Variants in OTOGL observed in about 807,000 individuals in gnomAD.
OTOGL encodes otogelin like.
OTOGL carries 285 observed loss-of-function variants against 318.5 expected under a neutral mutation model. The observed-to-expected ratio is 0.89, with a 90% CI of 0.81 to 0.99. The LOEUF (loss-of-function observed/expected upper bound fraction) is 0.99, where lower values mean the gene tolerates loss of function less well. OTOGL is among the 50% of genes least tolerant of loss of function. The probability of loss-of-function intolerance (pLI) is 0.00; values close to 1 mark genes in which losing one functional copy is unlikely to be tolerated. For synonymous variants in OTOGL, 987 were observed against 936.5 expected (o/e 1.05, Z -0.99); for missense variants, 2,899 against 2,845.6 (o/e 1.02, Z -0.43).
At chr12:80,343,064 C>T (rs989793916) in intron 44 of OTOGL, among the ~76,000 whole-genome samples, 5 of 151,994 alleles carry the variant, frequency 3.3e-5, no homozygotes, top group East Asian at 1.9e-4. Context: ...TTAGTACAGG[C>T]GGGATTTCAC....
At chr12:80,280,441 A>T (rs1403586149) in intron 26 of OTOGL, among the ~76,000 whole-genome samples, 1 of 140,658 alleles carries the variant, frequency 7.1e-6, no homozygotes, top group Non-Finnish European at 1.6e-5. Flanking sequence ...CTTACTTTTA[A>T]GTCTTTAATC....
rs774144112 is a variant in OTOGL, at chr12:80,255,172, C to T, written c.1574C>T (p.Ala525Val). The change falls in exon 16 of 59, where the codon GCT (alanine) becomes GTT (valine). Residue 525 changes from alanine (A) to valine (V), a missense_variant. Transcript: ENST00000547103. The part of the protein sequence containing the change: ...KDKFTITLQK[A>V]PCEQNLGLVC... ...AAATTCACGATTACTTTACAGAAAG[C>T]TCCCTGTGAGCAGGTAAGAACATTT... The T allele has an allele frequency of 1.8e-5, 27 of 1,512,304 alleles. No individual in the cohort carries two copies. Among genetic ancestry groups the T allele is most frequent in the Admixed American group, 2.5e-5 (1 of 40,150 alleles). The allele number at this position is 1,512,304 out of a possible 1,614,324, so 93.7% of individuals were successfully genotyped here. A position where few individuals can be genotyped will look rare whatever the true frequency, so the allele number is the denominator to read the frequency against.
In OTOGL at chr12:80,356,456, T is replaced by C. The variant is rs1199576911; in HGVS notation, c.5847T>C (p.Cys1949=). The change falls in exon 48 of 59, where the codon TGT becomes TGC. Residue 1949 remains cysteine, a synonymous_variant. Transcript: ENST00000547103. ...TTLCETSIPT[C]TNSQKLIVGH... ...TGTGTGAAACTAGCATTCCAACATG[T>C]ACAAATAGTCAAAAATTGATTGTTG... is the stretch of plus-strand genomic sequence containing the variant. 2 of 1,612,406 alleles carry C rather than the reference T, an allele frequency of 1.2e-6. No individual in the cohort carries two copies. The highest frequency in any genetic ancestry group is 8.5e-7 in the Non-Finnish European group (1 of 1,179,192).
intron 1 of OTOGL, among the ~76,000 whole-genome samples, chr12:80,186,785 A>G (rs1296676726): frequency 6.6e-6 from 1 of 151,992 alleles, no homozygotes; most frequent in African/African-American, 2.4e-5. Flanking sequence ...TCAGTTAAAA[A>G]CTGTTTGAAG....
chr12:80,329,709 AACTTAAGGCATTATTCCTC>A (rs1887950801), intron 37 of OTOGL, among the ~76,000 whole-genome samples: 1 of 152,292 alleles, frequency 6.6e-6, no homozygotes, highest in South Asian at 2.1e-4. Flanking sequence ...AGGCTCAACA[AACTTAAGGCATTATTCCTC>A]AAGGTAGTAT....
At chr12:80,360,475 C>T (rs1228542620) in intron 52 of OTOGL, among the ~76,000 whole-genome samples, 1 of 139,070 alleles carries the variant, frequency 7.2e-6, no homozygotes, top group Non-Finnish European at 1.6e-5. Context: ...TCTCCTCTCT[C>T]TCCCTCTCTC....
rs1248351892 is a variant in OTOGL, at chr12:80,146,280, T to A, written c.-20+46675T>A. On this transcript the variant is annotated intron_variant, in intron 1 of 58. Coordinates refer to ENST00000547103, the MANE Select transcript of OTOGL (RefSeq NM_001378609.3). ...TTTTTAGCATGAAGGGTTGTTGAAT[T>A]TTGTCAAAGGCTTTTTCTGCATCTA... 4.1e-5 allele frequency among the ~76,000 whole-genome samples: 6 copies of A among 146,826 alleles called. 1 individual carries two copies. Among genetic ancestry groups the A allele is most frequent in the African/African-American group, 8.2e-5 (3 of 36,510 alleles).
At chr12:80,322,139 A>G (rs181597075) in intron 34 of OTOGL, among the ~76,000 whole-genome samples, 1 of 152,284 alleles carries the variant, frequency 6.6e-6, no homozygotes, top group East Asian at 1.9e-4. Context: ...TGAGATCTGC[A>G]AGTGGGAGAG....
chr12:80,365,494 T>C (rs1359102863), intron 52 of OTOGL, among the ~76,000 whole-genome samples: 1 of 152,146 alleles, frequency 6.6e-6, no homozygotes, highest in African/African-American at 2.4e-5. Flanking sequence ...GTTAACATTA[T>C]GGCTTTAACT....
At chr12:80,343,945 T>C (rs1364474105) in intron 44 of OTOGL, among the ~76,000 whole-genome samples, 1 of 152,110 alleles carries the variant, frequency 6.6e-6, no homozygotes, top group Non-Finnish European at 1.5e-5. Context: ...GCAACATCTA[T>C]GAAGGGAAGA....
At chr12:80,108,923 T>C (rs1869654864) in intron 1 of OTOGL, among the ~76,000 whole-genome samples, 1 of 113,510 alleles carries the variant, frequency 8.8e-6, no homozygotes, top group African/African-American at 3.8e-5. Flanking sequence ...TATGTGTATA[T>C]ATATATGTGT....
At chr12:80,342,557 A>G (rs1565999010) in intron 44 of OTOGL, among the ~76,000 whole-genome samples, 1 of 152,142 alleles carries the variant, frequency 6.6e-6, no homozygotes, top group Non-Finnish European at 1.5e-5. Context: ...CACTTACTCA[A>G]TTTACTTGGT....
At chr12:80,306,951 C>T (rs59630326) in intron 29 of OTOGL, among the ~76,000 whole-genome samples, 13,675 of 147,968 alleles carry the variant, frequency 0.092, 1,708 homozygotes, top group African/African-American at 0.26. Context: ...GAGGACCCTG[C>T]GGCCTTTCCG....
chr12:80,234,126 C>T (rs1879630112), intron 9 of OTOGL, among the ~76,000 whole-genome samples: 1 of 151,938 alleles, frequency 6.6e-6, no homozygotes, highest in South Asian at 2.1e-4. Context: ...GCTATGTTGC[C>T]CAGGCTGGTC....
At chr12:80,121,482 A>G (rs865817447) in intron 1 of OTOGL, among the ~76,000 whole-genome samples, 1 of 152,152 alleles carries the variant, frequency 6.6e-6, no homozygotes, top group African/African-American at 2.4e-5. Flanking sequence ...ACACCATTAT[A>G]TAGAAGTCTC....
chr12:80,361,962 TG>T (rs1890261392), intron 52 of OTOGL, among the ~76,000 whole-genome samples: 1 of 152,216 alleles, frequency 6.6e-6, no homozygotes, highest in Admixed American at 6.5e-5. Flanking sequence ...TTTCCTTTGC[TG>T]TGCAGAAGCT....
intron 49 of OTOGL, 59 bp from the exon 50 acceptor site, chr12:80,358,189 A>C: frequency 9.2e-7 from 1 of 1,090,278 alleles, no homozygotes; most frequent in Non-Finnish European, 1.4e-6. Flanking sequence ...ATTTAAACTC[A>C]TATTATAATT....
chr12:80,315,460 G>A (rs1886907907), intron 32 of OTOGL, among the ~76,000 whole-genome samples: 2 of 152,132 alleles, frequency 1.3e-5, no homozygotes, highest in Non-Finnish European at 2.9e-5. Context: ...CTTGAAGATA[G>A]CAGAATTGGA....
At chr12:80,230,203 C>G (rs2137393632) in intron 8 of OTOGL, among the ~76,000 whole-genome samples, 1 of 152,210 alleles carries the variant, frequency 6.6e-6, no homozygotes, top group South Asian at 2.1e-4. Flanking sequence ...CTTTATCAAC[C>G]CGTGTTGCTT....
Sources: gnomAD v4.1 joint callset for allele counts (sites outside exome capture counted in the v4.1 genomes callset) on GRCh38, gnomAD v4.1.1 for gene constraint, MANE v1.5 for transcripts, NCBI Gene and HGNC (gene_info 2026-07-23, HGNC 2026-07-21) for gene names.